TSFM: variants seen among roughly 807,000 people sequenced by gnomAD.
TSFM encodes Ts translation elongation factor, mitochondrial.
TSFM carries 29 observed loss-of-function variants against 33.4 expected under a neutral mutation model. The observed-to-expected ratio is 0.87, with a 90% CI of 0.65 to 1.18. TSFM has a LOEUF of 1.18. Among genes scored for constraint, TSFM ranks in the 50% most tolerant of loss-of-function variants. TSFM has a pLI of 0.00. For synonymous variants in TSFM, 178 were observed against 163.5 expected (o/e 1.09, Z -0.68); for missense variants, 394 against 395.6 (o/e 1.00, Z 0.04).
chr12:57,784,069 T>A, intron 2 of TSFM: 3 of 702,838 alleles, frequency 4.3e-6, no homozygotes, highest in Admixed American at 2.0e-5. Flanking sequence ...GATGGTATAT[T>A]GTACTACAAC....
At chr12:57,787,973 T>G (rs1241824022) in intron 4 of TSFM, among the ~76,000 whole-genome samples, 1 of 152,172 alleles carries the variant, frequency 6.6e-6, no homozygotes. Context: ...ATAAGCATAT[T>G]CTTATCCATA....
Position 57,786,174 on chromosome 12 carries a change from G to A in TSFM, c.243G>A (p.Trp81Ter). Reference sequence around the variant, plus strand: ...CTCTCAATTTACAGGCAGAGATCTGGCTCCACAAGGAGGCCCAGAAGGAGG... The same window carrying A: ...CTCTCAATTTACAGGCAGAGATCTGACTCCACAAGGAGGCCCAGAAGGAGG... Reference protein sequence around the residue: ...CGGDLKQAEIWLHKEAQKEGW... With the variant: ...CGGDLKQAEI Residue 81 changes from tryptophan (W) to a stop codon, truncating the protein, a stop_gained, in exon 3 of 6, where the codon TGG (tryptophan) becomes TGA (stop). Transcript: ENST00000652027. LOFTEE classifies it high-confidence loss of function. 3 of 1,605,770 alleles carry A rather than the reference G, an allele frequency of 1.9e-6. No individual in the cohort carries two copies. Among genetic ancestry groups the A allele is most frequent in the Non-Finnish European group, 2.6e-6 (3 of 1,175,798 alleles).
chr12:57,796,968 A>G lies in TSFM; in HGVS notation c.*385A>G. The G allele has an allele frequency of 3.0e-6, 3 of 987,306 alleles. No homozygotes were observed. The highest frequency in any genetic ancestry group is 3.6e-6 in the Non-Finnish European group (3 of 831,610). The allele number at this position is 987,306 out of a possible 1,614,324, so 61.2% of individuals were successfully genotyped here. ...CTGTGAACCGTGCTTCTGCCTCGGAACCTCCCTAGTTATATTACTTGTGCC... is the reference window on the plus strand; with the variant it reads ...CTGTGAACCGTGCTTCTGCCTCGGAGCCTCCCTAGTTATATTACTTGTGCC... On this transcript the variant is annotated 3_prime_UTR_variant, in exon 6 of 6. Coordinates refer to ENST00000652027, the MANE Select transcript of TSFM (RefSeq NM_005726.6).
downstream of TSFM, among the ~76,000 whole-genome samples, chr12:57,799,305 C>T (rs1037942966): frequency 2.6e-5 from 4 of 152,162 alleles, no homozygotes; most frequent in Admixed American, 6.5e-5. Context: ...GCAAAGCAGC[C>T]GCTGTACTGG....
chr12:57,789,990 G>T (rs951901429), intron 4 of TSFM, among the ~76,000 whole-genome samples: 1 of 151,248 alleles, frequency 6.6e-6, no homozygotes, highest in African/African-American at 2.4e-5. Context: ...AGGAGTCCTG[G>T]TCCTTTTTAG....
intron 3 of TSFM, among the ~76,000 whole-genome samples, chr12:57,786,684 A>G (rs1955595581): frequency 6.6e-6 from 1 of 152,216 alleles, no homozygotes; most frequent in Non-Finnish European, 1.5e-5. Context: ...GTTTAGAGTG[A>G]GAGATGGGGA....
downstream of TSFM, chr12:57,802,043 T>C (rs1955858952): frequency 8.5e-7 from 1 of 1,175,254 alleles, no homozygotes; most frequent in African/African-American, 1.5e-5. Context: ...GGGATGGGAG[T>C]AGGGAAATGA....
At chr12:57,783,971 C>T (rs2140414391) in intron 2 of TSFM, 1 of 702,834 alleles carries the variant, frequency 1.4e-6, no homozygotes, top group South Asian at 1.5e-5. Flanking sequence ...TACGGTCATG[C>T]GTCTCTTAAT....
chr12:57,801,136 C>T (rs370110825), downstream of TSFM: 23 of 1,612,912 alleles, frequency 1.4e-5, no homozygotes, highest in Admixed American at 6.7e-5. Context: ...AGAGCGAACC[C>T]GACTCACAGC....
chr12:57,794,360 T>G (rs918081981), intron 5 of TSFM, among the ~76,000 whole-genome samples: 9 of 152,356 alleles, frequency 5.9e-5, no homozygotes, highest in South Asian at 2.1e-4. Context: ...CCTACCCCTT[T>G]TTACCTTTTG....
chr12:57,789,874 T>C (rs1218792965), intron 4 of TSFM, among the ~76,000 whole-genome samples: 2 of 152,200 alleles, frequency 1.3e-5, no homozygotes, highest in African/African-American at 4.8e-5. Flanking sequence ...TATGCCCTTA[T>C]TATTTTCTGA....
intron 2 of TSFM, among the ~76,000 whole-genome samples, chr12:57,784,690 C>G (rs1358619649): frequency 2.0e-5 from 3 of 151,586 alleles, no homozygotes; most frequent in Admixed American, 2.0e-4. Context: ...ACTAGCCTGA[C>G]CCACACGGAG....
intron 4 of TSFM, among the ~76,000 whole-genome samples, chr12:57,792,712 G>C (rs1056282777): frequency 6.6e-6 from 1 of 151,858 alleles, no homozygotes; most frequent in African/African-American, 2.4e-5. Flanking sequence ...CACGTCTCAG[G>C]CTCCCCAGTA....
intron 4 of TSFM, among the ~76,000 whole-genome samples, chr12:57,787,757 G>T (rs1955608775): frequency 1.3e-5 from 2 of 152,092 alleles, no homozygotes; most frequent in Non-Finnish European, 2.9e-5. Context: ...GGAGAAACCC[G>T]TCTCTACTAA....
At chr12:57,785,049 C>A (rs562548247) in intron 2 of TSFM, among the ~76,000 whole-genome samples, 98 of 149,694 alleles carry the variant, frequency 6.5e-4, no homozygotes, top group Middle Eastern at 3.5e-3. Context: ...GCCTCAGCCT[C>A]CTGAGTAGCT....
In TSFM at chr12:57,796,920, T is replaced by C; in HGVS notation, c.*337T>C. ...CACCTTTTATGACATAGAACTCTTTTGTTCTGTTTTTGCTTTGCGACACTG... is the reference window on the plus strand; with the variant it reads ...CACCTTTTATGACATAGAACTCTTTCGTTCTGTTTTTGCTTTGCGACACTG... On this transcript the variant is annotated 3_prime_UTR_variant, in exon 6 of 6. Transcript: ENST00000652027. 4 of 1,001,644 alleles carry C rather than the reference T, an allele frequency of 4.0e-6. No homozygotes were observed. The highest frequency in any genetic ancestry group is 4.8e-6 in the Non-Finnish European group (4 of 841,314). The allele number at this position is 1,001,644 out of a possible 1,614,324, so 62.0% of individuals were successfully genotyped here.
rs886049731 is a variant in TSFM, at chr12:57,793,022, G to T, written c.520G>T (p.Ala174Ser). Residue 174 changes from alanine to serine, a missense_variant, in exon 5 of 6, where the codon GCT (alanine) becomes TCT (serine). Ala to Ser is a moderately conservative substitution (Grantham distance 99). Transcript: ENST00000652027. ...LNSSELSGLP[A>S]GPDREGSLKD... ...TTCCTCTGAGCTTTCTGGACTTCCA[G>T]CTGGGCCTGACAGAGAAGGCTCACT... 1.2e-6 allele frequency: 2 copies of T among 1,613,858 alleles called. No individual in the cohort carries two copies. The highest frequency in any genetic ancestry group is 1.7e-6 in the Non-Finnish European group (2 of 1,179,778).
intron 1 of TSFM, 111 bp downstream of exon 1, chr12:57,782,969 G>C (rs973246107): frequency 8.8e-6 from 13 of 1,471,258 alleles, no homozygotes; most frequent in Non-Finnish European, 1.2e-5. Flanking sequence ...TTCCCCGACA[G>C]CATTGCCTCT....
chr12:57,788,603 C>A (rs576013601), intron 4 of TSFM, among the ~76,000 whole-genome samples: 4 of 152,014 alleles, frequency 2.6e-5, no homozygotes, highest in African/African-American at 9.6e-5. Context: ...CCAGATTTGC[C>A]ATTTATTAAC....
Sources: gnomAD v4.1 joint callset for allele counts (sites outside exome capture counted in the v4.1 genomes callset) on GRCh38, gnomAD v4.1.1 for gene constraint, MANE v1.5 for transcripts, NCBI Gene and HGNC (gene_info 2026-07-23, HGNC 2026-07-21) for gene names.